Variants in CNTNAP2 observed in about 807,000 individuals in gnomAD.
CNTNAP2 encodes the protein contactin associated protein 2.
In CNTNAP2, 98 loss-of-function variants were observed where a neutral mutation model predicts 155.2. The observed-to-expected ratio is 0.63, with a 90% CI of 0.54 to 0.75. CNTNAP2 has a LOEUF of 0.75. Among genes scored for constraint, CNTNAP2 ranks in the 30% least tolerant of loss-of-function variants. The pLI is 0.00. For missense variants in CNTNAP2, 1,727 were observed against 1,688.1 expected, an observed-to-expected ratio of 1.02 and a Z score of -0.40; for synonymous variants, 651 against 631.2, an observed-to-expected ratio of 1.03 and a Z score of -0.47.
chr7:146,389,703 CT>C lies in CNTNAP2; in HGVS notation c.97+272745del, dbSNP rs750823074. On this transcript the variant is annotated intron_variant, in intron 1 of 23. Coordinates refer to ENST00000361727, the MANE Select transcript of CNTNAP2 (RefSeq NM_014141.6). ...TTTTTTCTTTTTTCTTTTCTTTTTT[CT>C]TTTTTTTTTTTTTTGAGACAGAGTC... Among the ~76,000 whole-genome samples, 343 of 128,986 alleles carry C rather than the reference CT, an allele frequency of 2.7e-3. 1 individual carries two copies. Among genetic ancestry groups the C allele is most frequent in the African/African-American group, 6.7e-3 (232 of 34,376 alleles). 84.6% of individuals were successfully genotyped at this position (128,986 alleles called of 152,430 possible).
intron 3 of CNTNAP2, among the ~76,000 whole-genome samples, chr7:146,956,211 A>G (rs932818013): frequency 2.0e-5 from 3 of 152,090 alleles, no homozygotes; most frequent in African/African-American, 7.2e-5. Flanking sequence ...GAAGATGTAA[A>G]CAATTCAGTT....
chr7:148,009,612 C>A (rs1802038887), intron 15 of CNTNAP2, among the ~76,000 whole-genome samples: 1 of 151,988 alleles, frequency 6.6e-6, no homozygotes, highest in Non-Finnish European at 1.5e-5. Context: ...GTGTGCAAAG[C>A]AAGGACTGCC....
intron 1 of CNTNAP2, among the ~76,000 whole-genome samples, chr7:146,614,991 AAG>A (rs1401170600): frequency 3.9e-5 from 6 of 152,212 alleles, no homozygotes; most frequent in Admixed American, 1.3e-4. Flanking sequence ...CTTTTGAAAA[AAG>A]AAAATATACT....
intron 1 of CNTNAP2, among the ~76,000 whole-genome samples, chr7:146,655,774 A>C (rs1454198082): frequency 3.3e-5 from 5 of 152,202 alleles, no homozygotes. Flanking sequence ...AAAGATATCC[A>C]TGAAAACTCT....
chr7:147,757,296 T>C (rs184816629), intron 13 of CNTNAP2, among the ~76,000 whole-genome samples: 16 of 152,318 alleles, frequency 1.1e-4, no homozygotes, highest in Admixed American at 6.5e-4. Context: ...TCTTTTCTTA[T>C]GTTTTTCACT....
chr7:147,307,269 T>C (rs1795047383), intron 9 of CNTNAP2, among the ~76,000 whole-genome samples: 1 of 152,206 alleles, frequency 6.6e-6, no homozygotes, highest in Admixed American at 6.5e-5. Context: ...TCAGCTGTCT[T>C]ATATCTAAAA....
At chr7:146,960,759 T>A (rs560711109) in intron 3 of CNTNAP2, among the ~76,000 whole-genome samples, 1 of 152,294 alleles carries the variant, frequency 6.6e-6, no homozygotes, top group African/African-American at 2.4e-5. Context: ...AGGCTAAGGT[T>A]CTCCAAAGTT....
At chr7:147,893,315 A>G (rs1799723462) in intron 13 of CNTNAP2, among the ~76,000 whole-genome samples, 1 of 152,338 alleles carries the variant, frequency 6.6e-6, no homozygotes, top group Middle Eastern at 3.4e-3. Flanking sequence ...GAAAAAAAGT[A>G]TTAAAAGGAC....
At chr7:146,595,918 T>C (rs1798852290) in intron 1 of CNTNAP2, among the ~76,000 whole-genome samples, 1 of 152,064 alleles carries the variant, frequency 6.6e-6, no homozygotes, top group African/African-American at 2.4e-5. Flanking sequence ...TGTCCAGGTG[T>C]AAATGGTAGT....
chr7:147,952,558 C>T (rs917636367), intron 14 of CNTNAP2, among the ~76,000 whole-genome samples: 1 of 152,034 alleles, frequency 6.6e-6, no homozygotes, highest in Non-Finnish European at 1.5e-5. Flanking sequence ...GTACGCCTAT[C>T]ATAATGTATT....
intron 1 of CNTNAP2, among the ~76,000 whole-genome samples, chr7:146,524,816 T>C (rs1052021052): frequency 7.2e-5 from 11 of 152,154 alleles, no homozygotes; most frequent in African/African-American, 2.7e-4. Flanking sequence ...CATGAAATAG[T>C]GCTTTCTTGA....
intron 14 of CNTNAP2, among the ~76,000 whole-genome samples, chr7:147,909,251 T>C: frequency 6.6e-6 from 1 of 152,124 alleles, no homozygotes; most frequent in East Asian, 1.9e-4. Context: ...TTTTTTAATA[T>C]TGTTTTTATC....
intron 3 of CNTNAP2, among the ~76,000 whole-genome samples, chr7:146,997,445 T>C (rs1468454578): frequency 6.6e-6 from 1 of 152,156 alleles, no homozygotes; most frequent in Non-Finnish European, 1.5e-5. Context: ...GAATGATGTT[T>C]TCCATTTGCT....
intron 6 of CNTNAP2, among the ~76,000 whole-genome samples, chr7:147,126,164 A>G (rs1351151322): frequency 6.6e-6 from 1 of 152,154 alleles, no homozygotes. Context: ...CTGGGGAGCA[A>G]TGTGCCCAGC....
intron 1 of CNTNAP2, among the ~76,000 whole-genome samples, chr7:146,403,067 T>G (rs1451230705): frequency 1.3e-5 from 2 of 152,294 alleles, no homozygotes; most frequent in African/African-American, 4.8e-5. Flanking sequence ...GAGATTTTAA[T>G]GAATTCTAAT....
intron 9 of CNTNAP2, among the ~76,000 whole-genome samples, chr7:147,339,596 C>T (rs7791755): frequency 0.39 from 59,428 of 151,632 alleles, 11,933 homozygotes; most frequent in South Asian, 0.49. Flanking sequence ...AAGACGAGTA[C>T]TAAAAATAAA....
At chr7:146,559,971 A>G (rs929606419) in intron 1 of CNTNAP2, among the ~76,000 whole-genome samples, 1 of 152,172 alleles carries the variant, frequency 6.6e-6, no homozygotes, top group Admixed American at 6.5e-5. Flanking sequence ...ACAAATTATA[A>G]TTTTAGCCAT....
intron 3 of CNTNAP2, among the ~76,000 whole-genome samples, chr7:146,932,619 T>C (rs1796800311): frequency 6.6e-6 from 1 of 152,134 alleles, no homozygotes; most frequent in African/African-American, 2.4e-5. Flanking sequence ...ATAAAGGGTA[T>C]TCAATTAGGA....
Position 147,867,414 on chromosome 7 carries a change from C to T in CNTNAP2, c.2099-36151C>T, listed in dbSNP as rs115671956. Among the ~76,000 whole-genome samples, 1,056 of 152,182 alleles carry T rather than the reference C, an allele frequency of 6.9e-3. 14 individuals carry two copies. Among genetic ancestry groups the T allele is most frequent in the African/African-American group, 0.024 (1,004 of 41,524 alleles). ...TTCATTTCAACCTTGGTGAATCTGA[C>T]GGTTATGTACCTTGGAGTGGCTCTT... On this transcript the variant is annotated intron_variant, in intron 13 of 23. Transcript: ENST00000361727.
Sources: allele counts gnomAD v4.1 joint callset (sites outside exome capture counted in the v4.1 genomes callset), GRCh38; gene constraint gnomAD v4.1.1; transcripts MANE v1.5; gene names NCBI Gene and HGNC (gene_info 2026-07-23, HGNC 2026-07-21).